Variants in PDCD10 observed in about 807,000 individuals in gnomAD.
PDCD10 encodes the protein programmed cell death 10.
Under a neutral mutation model 29.2 loss-of-function variants are expected in PDCD10, and 4 were observed. The observed-to-expected ratio is 0.14, with a 90% CI of 0.07 to 0.31. PDCD10 has a LOEUF of 0.31. PDCD10 is among the 10% of genes least tolerant of loss of function. The pLI is 1.00. For synonymous variants in PDCD10, 70 were observed against 82.2 expected, an observed-to-expected ratio of 0.85 and a Z score of 0.80; for missense variants, 183 against 257.9, an observed-to-expected ratio of 0.71 and a Z score of 1.99.
chr3:167,720,489 C>T (rs1258332782), intron 2 of PDCD10, among the ~76,000 whole-genome samples: 2 of 152,098 alleles, frequency 1.3e-5, no homozygotes, highest in Non-Finnish European at 2.9e-5. Context: ...TTAGGTACTA[C>T]TTCACAAAGC....
chr3:167,729,652 T>C (rs1388250845), intron 2 of PDCD10, among the ~76,000 whole-genome samples: 1 of 152,216 alleles, frequency 6.6e-6, no homozygotes, highest in Non-Finnish European at 1.5e-5. Flanking sequence ...AGCATGAGAC[T>C]TGGCACTTAG....
chr3:167,701,281 A>G (rs1323427595), intron 4 of PDCD10, among the ~76,000 whole-genome samples: 1 of 152,176 alleles, frequency 6.6e-6, no homozygotes, highest in Non-Finnish European at 1.5e-5. Flanking sequence ...AGCTAGATCT[A>G]CAGATATCAG....
At chr3:167,687,748 A>C in intron 6 of PDCD10, 55 bp from the exon 7 acceptor site, 2 of 912,150 alleles carry the variant, frequency 2.2e-6, no homozygotes, top group Non-Finnish European at 1.8e-6. Flanking sequence ...TTTGTGAGAG[A>C]AAAGAACATC....
intron 4 of PDCD10, among the ~76,000 whole-genome samples, chr3:167,704,070 T>C (rs890497395): frequency 1.3e-5 from 2 of 152,282 alleles, no homozygotes; most frequent in South Asian, 2.1e-4. Context: ...AAGGAAAACA[T>C]TTATTTTGAG....
intron 3 of PDCD10, among the ~76,000 whole-genome samples, chr3:167,716,408 T>C (rs1457449732): frequency 2.0e-5 from 3 of 151,722 alleles, no homozygotes; most frequent in Admixed American, 6.6e-5. Flanking sequence ...ACTAAAAGAG[T>C]ATAACTGGAT....
At position 167,720,231 on chromosome 3, in the gene PDCD10, CT is replaced by C. The variant is rs1559973316; in HGVS notation, c.-75del. On this transcript the variant is annotated 5_prime_UTR_variant, in exon 3 of 9. Transcript: ENST00000392750. Reference sequence around the variant, plus strand: ...CTTCATTCACTGCAATATTTCTTCTCTTTTTTGGTGATAAAAGAATTGGACA... The same window carrying C: ...CTTCATTCACTGCAATATTTCTTCTCTTTTTGGTGATAAAAGAATTGGACA... 1.0e-6 allele frequency: 1 copy of C among 981,690 alleles called. No homozygotes were observed. The allele number at this position is 981,690 out of a possible 1,614,324, so 60.8% of individuals were successfully genotyped here. A position where few individuals can be genotyped will look rare whatever the true frequency, so the allele number is the denominator to read the frequency against.
intron 3 of PDCD10, among the ~76,000 whole-genome samples, chr3:167,706,578 A>G (rs932946605): frequency 6.6e-6 from 1 of 152,236 alleles, no homozygotes; most frequent in African/African-American, 2.4e-5. Flanking sequence ...TACAATGAAC[A>G]ATGGCTTTAA....
chr3:167,685,379 T>TAGC (rs1197563877), intron 8 of PDCD10, among the ~76,000 whole-genome samples: 1 of 110,952 alleles, frequency 9.0e-6, no homozygotes, highest in Non-Finnish European at 1.7e-5. Flanking sequence ...CTGGGCAACA[T>TAGC]AGCAAGACTC....
intron 2 of PDCD10, among the ~76,000 whole-genome samples, chr3:167,726,718 C>G (rs898425898): frequency 3.3e-5 from 5 of 152,114 alleles, no homozygotes; most frequent in African/African-American, 1.2e-4. Context: ...ATTCTAGGAA[C>G]CTGACATGGA....
At chr3:167,703,416 C>T (rs192600122) in intron 4 of PDCD10, among the ~76,000 whole-genome samples, 23 of 151,998 alleles carry the variant, frequency 1.5e-4, no homozygotes, top group East Asian at 3.9e-4. Context: ...TTCTAACATA[C>T]GTAATGTAGA....
At chr3:167,729,151 CTTGTATTATAA>C (rs1366503383) in intron 2 of PDCD10, among the ~76,000 whole-genome samples, 1 of 152,132 alleles carries the variant, frequency 6.6e-6, no homozygotes, top group Admixed American at 6.5e-5. Context: ...GATTGTGACT[CTTGTATTATAA>C]TATACATATT....
At chr3:167,686,726 G>A (rs1304009653) in intron 8 of PDCD10, among the ~76,000 whole-genome samples, 1 of 152,194 alleles carries the variant, frequency 6.6e-6, no homozygotes, top group Non-Finnish European at 1.5e-5. Flanking sequence ...TCCTCCAGAT[G>A]ACTCTGATGC....
chr3:167,724,261 A>C (rs1323467342), intron 2 of PDCD10, among the ~76,000 whole-genome samples: 1 of 152,232 alleles, frequency 6.6e-6, no homozygotes, highest in East Asian at 1.9e-4. Flanking sequence ...CAGCTTTTTA[A>C]GTAATTCTAC....
In PDCD10 at chr3:167,687,334, A is replaced by T; in HGVS notation, c.475-18T>A. On this transcript the variant is annotated intron_variant, in intron 7 of 8. Transcript: ENST00000392750. ...TCAAGTGCCTACAGTCACAAAATAT[A>T]ATAAGAAATAAAGTACTAAATAAGA... 1.4e-6 allele frequency: 2 copies of T among 1,380,118 alleles called. No homozygotes were observed. The highest frequency in any genetic ancestry group is 2.8e-5 in the African/African-American group (2 of 70,408). The allele number at this position is 1,380,118 out of a possible 1,614,324, so 85.5% of individuals were successfully genotyped here. A position where few individuals can be genotyped will look rare whatever the true frequency, so the allele number is the denominator to read the frequency against.
At chr3:167,731,720 AC>A (rs1724835951) in intron 2 of PDCD10, among the ~76,000 whole-genome samples, 1 of 152,204 alleles carries the variant, frequency 6.6e-6, no homozygotes, top group South Asian at 2.1e-4. Context: ...CAGTGAGGAG[AC>A]AGTATTTGTC....
chr3:167,731,256 A>G (rs762912496), intron 2 of PDCD10, among the ~76,000 whole-genome samples: 4 of 152,190 alleles, frequency 2.6e-5, no homozygotes, highest in South Asian at 4.1e-4. Context: ...TTCCATGTCT[A>G]TATTTTGTTA....
intron 3 of PDCD10, among the ~76,000 whole-genome samples, chr3:167,718,041 A>C (rs1723186700): frequency 6.6e-6 from 1 of 152,114 alleles, no homozygotes; most frequent in Non-Finnish European, 1.5e-5. Context: ...ATAACTTATC[A>C]ATTCAGAATA....
intron 7 of PDCD10, 34 bp from the exon 8 acceptor site, chr3:167,687,350 C>T: frequency 2.4e-6 from 3 of 1,234,204 alleles, no homozygotes; most frequent in South Asian, 1.2e-5. Context: ...AAATAAAGTA[C>T]TAAATAAGAG....
At chr3:167,712,809 G>C (rs776894045) in intron 3 of PDCD10, among the ~76,000 whole-genome samples, 1 of 151,980 alleles carries the variant, frequency 6.6e-6, no homozygotes, top group Non-Finnish European at 1.5e-5. Flanking sequence ...AGGAGCAGCT[G>C]TATTTGTATC....
Sources: gnomAD v4.1 joint callset for allele counts (sites outside exome capture counted in the v4.1 genomes callset) on GRCh38, gnomAD v4.1.1 for gene constraint, MANE v1.5 for transcripts, NCBI Gene and HGNC (gene_info 2026-07-23, HGNC 2026-07-21) for gene names.